The following PRSS23 variants were observed in gnomAD, a reference collection of about 807,000 sequenced individuals.
The protein encoded by PRSS23 is protease, serine 23.
Under a neutral mutation model 34.7 loss-of-function variants are expected in PRSS23, and 25 were observed. The ratio of observed to expected loss-of-function variants is 0.72; its 90% CI spans 0.53 to 1.01. PRSS23 has a LOEUF of 1.01. Ranked by LOEUF, PRSS23 falls within the 50% of genes least tolerant of loss-of-function variation. The pLI is 0.00. For synonymous variants in PRSS23, 176 were observed against 186.6 expected (o/e 0.94, Z 0.46); for missense variants, 445 against 475.6 (o/e 0.94, Z 0.60).
chr11:86,922,530 C>G (rs7930229), intron 2 of PRSS23, among the ~76,000 whole-genome samples: 101,316 of 152,072 alleles, frequency 0.67, 34,312 homozygotes, highest in Non-Finnish European at 0.74. Context: ...CTCACACCAT[C>G]ACTATGAAGA....
chr11:86,800,681 C>T, intron 1 of PRSS23, 30 bp downstream of exon 1: 1 of 980,150 alleles, frequency 1.0e-6, no homozygotes, highest in Non-Finnish European at 1.2e-6. Flanking sequence ...GGGGCATCCG[C>T]CCGGGCGCGG....
At chr11:86,952,000 C>T (rs1391934477) in exon 3 of PRSS23, 3 of 1,613,910 alleles carry the variant, frequency 1.9e-6, no homozygotes, top group East Asian at 4.5e-5. Flanking sequence ...TGATGGGGCG[C>T]TCAGGGTAGG....
chr11:86,796,599 C>T (rs1947982800), upstream of PRSS23, among the ~76,000 whole-genome samples: 1 of 145,060 alleles, frequency 6.9e-6, no homozygotes, highest in East Asian at 2.0e-4. Flanking sequence ...CGAGATCGCG[C>T]CACTGCACTC....
At chr11:86,917,640 G>A (rs963539418) in intron 2 of PRSS23, among the ~76,000 whole-genome samples, 7 of 152,080 alleles carry the variant, frequency 4.6e-5, no homozygotes, top group South Asian at 2.1e-4. Context: ...GCTTAAAATC[G>A]GACTATCTGA....
intron 2 of PRSS23, among the ~76,000 whole-genome samples, chr11:86,878,884 A>G (rs144383693): frequency 0.014 from 1,343 of 93,620 alleles, 27 homozygotes; most frequent in African/African-American, 0.038. Context: ...CGGCCATCCC[A>G]TCTAGGAAGT....
chr11:86,917,342 G>A (rs905817241), intron 2 of PRSS23, among the ~76,000 whole-genome samples: 2 of 152,192 alleles, frequency 1.3e-5, no homozygotes, highest in African/African-American at 4.8e-5. Context: ...ATTTGTGATC[G>A]TGGGCCTCTG....
chr11:86,873,199 C>T lies in PRSS23; in HGVS notation c.206+49606C>T, dbSNP rs4943963. ...GAAATTATATATATACATATATATA[C>T]ACACACACACACACACAGATATATG... is the stretch of plus-strand genomic sequence containing the variant. On this transcript the variant is annotated intron_variant, in intron 2 of 2. Transcript: ENST00000533902. Among the ~76,000 whole-genome samples the T allele has an allele frequency of 9.4e-3, 1,246 of 132,140 alleles. 23 individuals carry two copies. The highest frequency in any genetic ancestry group is 0.031 in the African/African-American group (1,131 of 36,270). 86.7% of individuals were successfully genotyped at this position (132,140 alleles called of 152,430 possible).
intron 2 of PRSS23, among the ~76,000 whole-genome samples, chr11:86,832,231 T>C (rs1303864042): frequency 1.3e-5 from 2 of 152,106 alleles, no homozygotes; most frequent in Non-Finnish European, 2.9e-5. Context: ...GTACCACATG[T>C]GTGAACACCC....
At chr11:86,875,254 C>G (rs1461726908) in intron 2 of PRSS23, among the ~76,000 whole-genome samples, 1 of 152,046 alleles carries the variant, frequency 6.6e-6, no homozygotes, top group Non-Finnish European at 1.5e-5. Flanking sequence ...GCCTGTAATC[C>G]CAGCTACTCA....
chr11:86,815,965 C>T (rs187651192), downstream of PRSS23, among the ~76,000 whole-genome samples: 24 of 152,312 alleles, frequency 1.6e-4, no homozygotes, highest in East Asian at 5.8e-4. Context: ...GAAGCAAAGA[C>T]CTGATCAGGC....
At chr11:86,950,818 A>G in intron 2 of PRSS23, 1 of 404,926 alleles carries the variant, frequency 2.5e-6, no homozygotes, top group Non-Finnish European at 4.6e-6. Flanking sequence ...AGGGGAAAAC[A>G]GTATCGCCCT....
intron 2 of PRSS23, among the ~76,000 whole-genome samples, chr11:86,827,367 A>G (rs533236357): frequency 2.0e-5 from 3 of 152,096 alleles, no homozygotes; most frequent in Admixed American, 6.5e-5. Flanking sequence ...TATTGCCTCT[A>G]TTTGATTCTT....
At chr11:86,913,051 C>A (rs987943249) in intron 2 of PRSS23, among the ~76,000 whole-genome samples, 2 of 152,196 alleles carry the variant, frequency 1.3e-5, no homozygotes, top group African/African-American at 4.8e-5. Context: ...CTTACACATG[C>A]ATAGTTCAGA....
chr11:86,822,590 C>T (rs1217155997), intron 1 of PRSS23, among the ~76,000 whole-genome samples: 2 of 147,446 alleles, frequency 1.4e-5, no homozygotes, highest in Admixed American at 1.4e-4. Context: ...CACTGCACTT[C>T]AGCCTGGGCG....
At chr11:86,927,751 G>A (rs1215594562) in intron 2 of PRSS23, among the ~76,000 whole-genome samples, 2 of 152,120 alleles carry the variant, frequency 1.3e-5, no homozygotes, top group Non-Finnish European at 2.9e-5. Context: ...GCCGGGCGTG[G>A]TGGCTCACGC....
chr11:86,852,070 C>T (rs576108124), intron 2 of PRSS23, among the ~76,000 whole-genome samples: 5 of 151,154 alleles, frequency 3.3e-5, no homozygotes, highest in East Asian at 3.9e-4. Context: ...AACAAAGCAA[C>T]GCTCCCAACC....
chr11:86,821,259 G>A (rs781459736), intron 1 of PRSS23: 4 of 513,332 alleles, frequency 7.8e-6, no homozygotes, highest in Non-Finnish European at 1.3e-5. Flanking sequence ...TTAGTAATCC[G>A]ATGACACAAA....
rs573802851 is a variant in PRSS23, at chr11:86,856,724, A to G, written c.206+33131A>G. Among the ~76,000 whole-genome samples the G allele has an allele frequency of 2.6e-5, 4 of 152,294 alleles. No individual in the cohort carries two copies. In the East Asian group the frequency reaches 7.7e-4, roughly 29 times the overall value. ...GCTGCACATTGTTTCCATAAAGTCA[A>G]TTTTCAGGGAATTACAAAATTACAA... is the stretch of plus-strand genomic sequence containing the variant. On this transcript the variant is annotated intron_variant, in intron 2 of 2. Coordinates refer to the PRSS23 transcript ENST00000533902.
chr11:86,895,194 C>T (rs1036984027), intron 2 of PRSS23, among the ~76,000 whole-genome samples: 6 of 152,150 alleles, frequency 3.9e-5, no homozygotes, highest in African/African-American at 1.4e-4. Flanking sequence ...GACAGTATGG[C>T]ATATTAGAAA....
Sources: gnomAD v4.1 joint callset for allele counts (sites outside exome capture counted in the v4.1 genomes callset) on GRCh38, gnomAD v4.1.1 for gene constraint, MANE v1.5 for transcripts, NCBI Gene and HGNC (gene_info 2026-07-23, HGNC 2026-07-21) for gene names.